TRABD2B: variants seen among roughly 807,000 people sequenced by gnomAD.
TRABD2B encodes the protein TraB domain containing 2B.
A neutral mutation model predicts 40.1 loss-of-function variants in TRABD2B; 14 were observed. The observed-to-expected ratio is 0.35, with a 90% CI of 0.23 to 0.55. The LOEUF is 0.55. Among genes scored for constraint, TRABD2B ranks in the 20% least tolerant of loss-of-function variants. The pLI is 0.90. For synonymous variants in TRABD2B, 263 were observed against 277.0 expected, an observed-to-expected ratio of 0.95 and a Z score of 0.50; for missense variants, 541 against 648.6, an observed-to-expected ratio of 0.83 and a Z score of 1.80.
chr1:47,970,009 T>C (rs1028122676), intron 2 of TRABD2B, among the ~76,000 whole-genome samples: 30 of 152,258 alleles, frequency 2.0e-4, no homozygotes, highest in African/African-American at 7.0e-4. Flanking sequence ...AAGGACCCTA[T>C]GGATCTCTCT....
At chr1:47,900,145 T>A (rs1018309060) in intron 2 of TRABD2B, among the ~76,000 whole-genome samples, 11 of 152,082 alleles carry the variant, frequency 7.2e-5, no homozygotes, top group Non-Finnish European at 1.6e-4. Context: ...AGAACTCACC[T>A]GCCAGACTGA....
chr1:47,989,691 C>A (rs936294420), intron 2 of TRABD2B, among the ~76,000 whole-genome samples: 1 of 152,078 alleles, frequency 6.6e-6, no homozygotes, highest in Non-Finnish European at 1.5e-5. Flanking sequence ...TCAGTTCCAG[C>A]ACTTTTCAAT....
At chr1:47,974,912 T>C (rs1343219418) in intron 2 of TRABD2B, among the ~76,000 whole-genome samples, 1 of 152,154 alleles carries the variant, frequency 6.6e-6, no homozygotes, top group East Asian at 1.9e-4. Context: ...GTGGCCTTCC[T>C]CCCCAAAACA....
intron 2 of TRABD2B, among the ~76,000 whole-genome samples, chr1:47,910,007 G>A (rs1417263897): frequency 2.0e-5 from 3 of 151,322 alleles, no homozygotes; most frequent in East Asian, 1.9e-4. Context: ...CTACAGGCAC[G>A]TGCCACCACG....
intron 2 of TRABD2B, among the ~76,000 whole-genome samples, chr1:47,867,795 CA>C (rs1370128864): frequency 6.6e-6 from 1 of 152,130 alleles, no homozygotes; most frequent in African/African-American, 2.4e-5. Context: ...AAAAAGCAAA[CA>C]TGAAATGTGC....
At chr1:47,865,041 T>A (rs1644035482) in intron 2 of TRABD2B, among the ~76,000 whole-genome samples, 2 of 151,788 alleles carry the variant, frequency 1.3e-5, no homozygotes, top group South Asian at 4.2e-4. Flanking sequence ...TGGGGTGGGG[T>A]AATCTCCCAG....
intron 2 of TRABD2B, among the ~76,000 whole-genome samples, chr1:47,956,928 T>TGG (rs1645432244): frequency 1.3e-5 from 2 of 152,208 alleles, no homozygotes; most frequent in Non-Finnish European, 2.9e-5. Context: ...CCCTGACCCA[T>TGG]GAGTAGCCTA....
chr1:47,877,663 G>A (rs1644243987), intron 2 of TRABD2B, among the ~76,000 whole-genome samples: 1 of 152,198 alleles, frequency 6.6e-6, no homozygotes, highest in South Asian at 2.1e-4. Flanking sequence ...GAAGGGATGT[G>A]TGTAGTAGCA....
chr1:47,865,388 G>A (rs1396311061), intron 2 of TRABD2B, among the ~76,000 whole-genome samples: 2 of 152,004 alleles, frequency 1.3e-5, no homozygotes, highest in African/African-American at 4.8e-5. Context: ...CTGATTTATA[G>A]GGACTGAACT....
At chr1:47,825,372 T>C (rs1449386143) in intron 2 of TRABD2B, among the ~76,000 whole-genome samples, 2 of 152,184 alleles carry the variant, frequency 1.3e-5, no homozygotes, top group Admixed American at 1.3e-4. Context: ...GTCACCTCCT[T>C]TTTACATTCA....
At position 47,996,921 on chromosome 1, in the gene TRABD2B, G is replaced by A; in HGVS notation, c.-132C>T. The A allele has an allele frequency of 8.9e-7, 1 of 1,123,048 alleles. No individual in the cohort carries two copies. The highest frequency in any genetic ancestry group is 1.1e-6 in the Non-Finnish European group (1 of 919,258). The allele number at this position is 1,123,048 out of a possible 1,614,324, so 69.6% of individuals were successfully genotyped here. ...GCCGCAGGATGCTGGGCGCCCTCTG[G>A]GGCGTGGCTGACTGTCCCTGTCGGA... On this transcript the variant is annotated 5_prime_UTR_variant, in exon 1 of 7. Transcript: ENST00000606738. This position sits in a 1 kb window ranked among gnomAD's most constrained non-coding sequence, Gnocchi z 4.6.
chr1:47,906,878 C>A (rs977336088), intron 2 of TRABD2B, among the ~76,000 whole-genome samples: 1 of 152,260 alleles, frequency 6.6e-6, no homozygotes, highest in African/African-American at 2.4e-5. Flanking sequence ...GGGGGACCTG[C>A]CAACACCAAT....
chr1:47,786,706 ATTTGT>A (rs1299865594), intron 4 of TRABD2B, among the ~76,000 whole-genome samples: 1 of 151,650 alleles, frequency 6.6e-6, no homozygotes, highest in Non-Finnish European at 1.5e-5. Context: ...TTGTTTGTTC[ATTTGT>A]TTTGTTTTTT....
chr1:47,796,795 C>A (rs868576952), intron 3 of TRABD2B, among the ~76,000 whole-genome samples: 1 of 152,192 alleles, frequency 6.6e-6, no homozygotes, highest in Admixed American at 6.5e-5. Flanking sequence ...TACATACCCC[C>A]TTTGAAAGCG....
intron 2 of TRABD2B, among the ~76,000 whole-genome samples, chr1:47,835,872 A>T (rs147771068): frequency 6.6e-6 from 1 of 152,212 alleles, no homozygotes; most frequent in Non-Finnish European, 1.5e-5. Flanking sequence ...TATAAAAGAC[A>T]GTACAAATGA....
chr1:47,829,233 C>T (rs1003550963), intron 2 of TRABD2B, among the ~76,000 whole-genome samples: 1 of 152,134 alleles, frequency 6.6e-6, no homozygotes, highest in Non-Finnish European at 1.5e-5. Context: ...GCTGGCTTCT[C>T]AAACCTCGAG....
At chr1:47,810,267 C>T (rs931302727) in intron 2 of TRABD2B, among the ~76,000 whole-genome samples, 16 of 152,036 alleles carry the variant, frequency 1.1e-4, no homozygotes, top group African/African-American at 2.9e-4. Context: ...TGCAGTGGTG[C>T]GATCTCTGCT....
At chr1:47,975,493 A>C (rs1645742954) in intron 2 of TRABD2B, among the ~76,000 whole-genome samples, 1 of 152,218 alleles carries the variant, frequency 6.6e-6, no homozygotes, top group African/African-American at 2.4e-5. Flanking sequence ...TGCACCTGAA[A>C]CATTGTAAAG....
At chr1:47,958,616 G>C (rs1023685926) in intron 2 of TRABD2B, among the ~76,000 whole-genome samples, 1 of 151,252 alleles carries the variant, frequency 6.6e-6, no homozygotes, top group Non-Finnish European at 1.5e-5. Flanking sequence ...GACAAAGAAG[G>C]CCATTACATA....
Sources: allele counts gnomAD v4.1 joint callset (sites outside exome capture counted in the v4.1 genomes callset), GRCh38; gene constraint gnomAD v4.1.1; non-coding constraint Gnocchi (gnomAD v3.1); transcripts MANE v1.5; gene names NCBI Gene and HGNC (gene_info 2026-07-23, HGNC 2026-07-21).